The following ROBO2 variants were observed in gnomAD, a reference collection of about 807,000 sequenced individuals.
The protein encoded by ROBO2 is roundabout homolog 2.
A neutral mutation model predicts 160.8 loss-of-function variants in ROBO2; 53 were observed. That is an observed-to-expected ratio of 0.33 (90% CI 0.26 to 0.41). The LOEUF (loss-of-function observed/expected upper bound fraction) is 0.41, where lower values mean the gene tolerates loss of function less well. Ranked by LOEUF, ROBO2 falls within the 10% of genes least tolerant of loss-of-function variation. The probability of loss-of-function intolerance (pLI) is 1.00; values close to 1 mark genes in which losing one functional copy is unlikely to be tolerated. For missense variants in ROBO2, 1,577 were observed against 1,722.4 expected (o/e 0.92, Z 1.49); for synonymous variants, 664 against 611.7 (o/e 1.09, Z -1.26).
At chr3:76,652,854 T>C (rs1392676962) in intron 2 of ROBO2, among the ~76,000 whole-genome samples, 1 of 152,112 alleles carries the variant, frequency 6.6e-6, no homozygotes, top group Non-Finnish European at 1.5e-5. Flanking sequence ...TGAAGGGTTA[T>C]GGCCTCTTTT....
intron 2 of ROBO2, among the ~76,000 whole-genome samples, chr3:77,034,363 CT>C (rs2063500995): frequency 7.2e-6 from 1 of 137,948 alleles, no homozygotes; most frequent in South Asian, 2.3e-4. Context: ...AACTTAAGAA[CT>C]TAGTATTCTT....
chr3:76,809,463 A>G (rs1410399241), intron 2 of ROBO2, among the ~76,000 whole-genome samples: 2 of 152,182 alleles, frequency 1.3e-5, no homozygotes, highest in Non-Finnish European at 2.9e-5. Context: ...GTCTACAAAG[A>G]CAGCCTTATA....
At chr3:76,525,135 T>A (rs939476355) in intron 2 of ROBO2, among the ~76,000 whole-genome samples, 102 of 151,992 alleles carry the variant, frequency 6.7e-4, no homozygotes, top group African/African-American at 2.2e-3. Flanking sequence ...ACCCATTTTT[T>A]AAAATATCTA....
At chr3:77,442,135 G>A (rs1001691159) in intron 2 of ROBO2, among the ~76,000 whole-genome samples, 8 of 151,930 alleles carry the variant, frequency 5.3e-5, no homozygotes, top group Admixed American at 1.3e-4. Flanking sequence ...ACACGGTGAA[G>A]CCCCATCTCT....
chr3:76,573,048 T>C (rs2085051564), intron 2 of ROBO2, among the ~76,000 whole-genome samples: 1 of 152,162 alleles, frequency 6.6e-6, no homozygotes, highest in Admixed American at 6.6e-5. Context: ...GTTGGGCTCA[T>C]TTTTTAAGGA....
chr3:76,624,416 CT>C (rs1024575833), intron 2 of ROBO2, among the ~76,000 whole-genome samples: 2 of 152,046 alleles, frequency 1.3e-5, no homozygotes, highest in African/African-American at 4.8e-5. Context: ...CAGGCTTTCT[CT>C]TTTATATTAA....
intron 2 of ROBO2, among the ~76,000 whole-genome samples, chr3:75,947,642 A>G (rs1576260274): frequency 6.6e-6 from 1 of 152,108 alleles, no homozygotes; most frequent in South Asian, 2.1e-4. Context: ...AATTATGTCA[A>G]CTGAAGTGTG....
chr3:76,246,469 G>C (rs533619488), intron 2 of ROBO2, among the ~76,000 whole-genome samples: 4 of 152,172 alleles, frequency 2.6e-5, no homozygotes, highest in African/African-American at 9.6e-5. Flanking sequence ...GCATTTTCTG[G>C]TTTACAACTT....
At chr3:77,436,950 G>A (rs2079354367) in intron 2 of ROBO2, among the ~76,000 whole-genome samples, 1 of 151,958 alleles carries the variant, frequency 6.6e-6, no homozygotes, top group African/African-American at 2.4e-5. Flanking sequence ...TAAGAAGTGT[G>A]AATATTCTGT....
intron 2 of ROBO2, among the ~76,000 whole-genome samples, chr3:76,930,519 A>C (rs1478816619): frequency 6.6e-6 from 1 of 152,236 alleles, no homozygotes; most frequent in Non-Finnish European, 1.5e-5. Flanking sequence ...TCAAGCTTAC[A>C]GTCTGCATTA....
rs562156678 is a variant in ROBO2 at position 77,589,666 on chromosome 3, C to A, written c.2683+733C>A. On this transcript the variant is annotated intron_variant, in intron 17 of 25. Transcript: ENST00000461745. ...TATAATGTGGCCTTCAAAATATCTC[C>A]ATGGTAGAGAGAGAAGAGAGAGAGG... 2.6e-5 allele frequency among the ~76,000 whole-genome samples: 4 copies of A among 152,092 alleles called. No homozygotes were observed. In the South Asian group the frequency reaches 8.3e-4, roughly 31 times the overall value.
chr3:75,911,480 T>G (rs1285510590), intron 1 of ROBO2, among the ~76,000 whole-genome samples: 3 of 152,002 alleles, frequency 2.0e-5, no homozygotes, highest in Non-Finnish European at 4.4e-5. Context: ...TTTTTATTAT[T>G]GATATTTGCC....
chr3:76,106,535 G>A (rs2069941596), intron 2 of ROBO2, among the ~76,000 whole-genome samples: 1 of 151,908 alleles, frequency 6.6e-6, no homozygotes, highest in Non-Finnish European at 1.5e-5. Flanking sequence ...GTTTTATTTG[G>A]TTGTTGAAGG....
intron 2 of ROBO2, among the ~76,000 whole-genome samples, chr3:77,128,323 TC>T (rs1464006307): frequency 6.6e-6 from 1 of 152,186 alleles, no homozygotes; most frequent in East Asian, 1.9e-4. Context: ...CGCTATCCTC[TC>T]ATTAGTCATT....
At chr3:76,468,417 T>C (rs1172096586) in intron 2 of ROBO2, among the ~76,000 whole-genome samples, 1 of 152,062 alleles carries the variant, frequency 6.6e-6, no homozygotes. Flanking sequence ...CTCTCCAATA[T>C]TGGAAACGTG....
chr3:76,765,596 C>T (rs2108435658), intron 2 of ROBO2, among the ~76,000 whole-genome samples: 1 of 151,754 alleles, frequency 6.6e-6, no homozygotes, highest in Non-Finnish European at 1.5e-5. Context: ...GTGGAGGGAG[C>T]CATATACAAT....
chr3:76,071,432 A>G lies in ROBO2; in HGVS notation c.109+133830A>G, dbSNP rs541211571. On this transcript the variant is annotated intron_variant, in intron 2 of 26. Transcript: ENST00000487694. ...GTAACTATCTAATTTATAATATCCT[A>G]TATTAAGTATAAAATGTTATGAACT... is the stretch of plus-strand genomic sequence containing the variant. Among the ~76,000 whole-genome samples, 13 of 152,298 alleles carry G rather than the reference A, an allele frequency of 8.5e-5. No individual in the cohort carries two copies. In the East Asian group the frequency reaches 2.3e-3, roughly 27 times the overall value.
chr3:77,526,934 C>T (rs1008747430), intron 6 of ROBO2, among the ~76,000 whole-genome samples: 6 of 151,406 alleles, frequency 4.0e-5, no homozygotes, highest in Admixed American at 3.3e-4. Context: ...TGAAAAGCAG[C>T]GTCAGGGGCT....
intron 2 of ROBO2, among the ~76,000 whole-genome samples, chr3:76,173,852 G>A (rs775084131): frequency 6.6e-6 from 1 of 152,160 alleles, no homozygotes; most frequent in Non-Finnish European, 1.5e-5. Flanking sequence ...TTAGTAGAAT[G>A]ATTTATATTC....
Sources: allele counts gnomAD v4.1 joint callset (sites outside exome capture counted in the v4.1 genomes callset), GRCh38; gene constraint gnomAD v4.1.1; transcripts MANE v1.5; gene names NCBI Gene and HGNC (gene_info 2026-07-23, HGNC 2026-07-21).